The following RAD51B variants were observed in gnomAD, a reference collection of about 807,000 sequenced individuals.
RAD51B encodes DNA repair protein RAD51 homolog 2.
RAD51B carries 38 observed loss-of-function variants against 42.2 expected under a neutral mutation model. The ratio of observed to expected loss-of-function variants is 0.90; its 90% CI spans 0.70 to 1.18. The LOEUF is 1.18. Ranked by LOEUF, RAD51B falls within the 50% of genes most tolerant of loss-of-function variation. The probability of loss-of-function intolerance (pLI) is 0.00; values close to 1 mark genes in which losing one functional copy is unlikely to be tolerated. For missense variants in RAD51B, 373 were observed against 400.7 expected (o/e 0.93, Z 0.59); for synonymous variants, 154 against 145.2 (o/e 1.06, Z -0.43).
chr14:68,603,905 C>T (rs901397875), intron 10 of RAD51B, among the ~76,000 whole-genome samples: 21 of 152,232 alleles, frequency 1.4e-4, no homozygotes, highest in Non-Finnish European at 2.9e-4. Context: ...AATGACTGTT[C>T]CTTCAACTTT....
intron 9 of RAD51B, among the ~76,000 whole-genome samples, chr14:68,440,308 A>T (rs775566549): frequency 2.6e-5 from 4 of 152,248 alleles, no homozygotes; most frequent in Non-Finnish European, 4.4e-5. Context: ...TGTTGCCCAC[A>T]TTTCATGACA....
intron 7 of RAD51B, among the ~76,000 whole-genome samples, chr14:67,950,430 C>G (rs1315815107): frequency 6.6e-6 from 1 of 152,210 alleles, no homozygotes; most frequent in Non-Finnish European, 1.5e-5. Context: ...AGCTTTCTTT[C>G]CTCTCTCAGC....
chr14:68,673,535 T>C (rs929846208), intron 11 of RAD51B, among the ~76,000 whole-genome samples: 31 of 148,610 alleles, frequency 2.1e-4, no homozygotes, highest in East Asian at 5.9e-4. Context: ...CGCACACACA[T>C]ACACATACAT....
intron 10 of RAD51B, among the ~76,000 whole-genome samples, chr14:68,468,753 C>T (rs1245921230): frequency 3.9e-5 from 6 of 152,234 alleles, no homozygotes; most frequent in African/African-American, 1.4e-4. Flanking sequence ...CCTGTCCTGA[C>T]ATGGTCTTCC....
At chr14:68,657,706 G>T (rs1175744859) in intron 11 of RAD51B, among the ~76,000 whole-genome samples, 8 of 152,258 alleles carry the variant, frequency 5.3e-5, no homozygotes, top group East Asian at 1.9e-4. Context: ...GGCAGGAAAA[G>T]GTTGTTTCTC....
chr14:68,648,472 C>T (rs1892630237), intron 10 of RAD51B, among the ~76,000 whole-genome samples: 1 of 150,586 alleles, frequency 6.6e-6, no homozygotes, highest in African/African-American at 2.4e-5. Context: ...TTGCACACAC[C>T]CTACTTTGGA....
At position 67,887,042 on chromosome 14, in the gene RAD51B, A is replaced by C. The variant is rs1355436318; in HGVS notation, c.594A>C (p.Glu198Asp). The change falls in exon 7 of 11, where the codon GAA (glutamate) becomes GAC (aspartate). Residue 198 changes from glutamate to aspartate, a missense_variant. Physicochemically the swap from Glu to Asp is conservative, Grantham distance 45. Transcript: ENST00000471583. ...VLQRIESLEE[E>D]IISKGIKLVI... ...ATAGGATTGAATCTTTGGAAGAAGA[A>C]ATTATCTCAAAAGGAATTAAACTTG... 1 of 1,521,224 alleles carries C rather than the reference A, an allele frequency of 6.6e-7. No homozygotes were observed. Among genetic ancestry groups the C allele is most frequent in the African/African-American group, 1.4e-5 (1 of 71,690 alleles). The allele number at this position is 1,521,224 out of a possible 1,614,324, so 94.2% of individuals were successfully genotyped here. A position where few individuals can be genotyped will look rare whatever the true frequency, so the allele number is the denominator to read the frequency against.
intron 4 of RAD51B, 149 bp downstream of exon 4, chr14:67,835,345 C>G: frequency 1.6e-6 from 1 of 634,874 alleles, no homozygotes; most frequent in Non-Finnish European, 2.7e-6. Flanking sequence ...CCACTCAGTA[C>G]TTAGTGTGGT....
chr14:67,950,706 C>T (rs922629478), intron 7 of RAD51B, among the ~76,000 whole-genome samples: 1 of 152,200 alleles, frequency 6.6e-6, no homozygotes, highest in Non-Finnish European at 1.5e-5. Context: ...ACGTCTTCCT[C>T]ATTAATCTTA....
chr14:68,540,226 C>T lies in RAD51B; in HGVS notation c.1037-54259C>T, dbSNP rs868646510. On this transcript the variant is annotated intron_variant, in intron 10 of 10. Coordinates refer to the RAD51B transcript ENST00000487270. ...ATCTAGAGAATTCAAATGATCTGCT[C>T]GAGGCAAACATAGGATCGTCTGAGT... 1.9e-5 allele frequency: 18 copies of T among 967,904 alleles called. No homozygotes were observed. In the African/African-American group the frequency reaches 2.1e-4, roughly 11 times the overall value. The allele number at this position is 967,904 out of a possible 1,614,324, so 60.0% of individuals were successfully genotyped here.
intron 7 of RAD51B, among the ~76,000 whole-genome samples, chr14:67,904,405 G>A (rs955427346): frequency 6.6e-6 from 1 of 151,890 alleles, no homozygotes; most frequent in Non-Finnish European, 1.5e-5. Flanking sequence ...AACCTTGCTA[G>A]CATCTATTAT....
chr14:67,887,947 C>T (rs1349570239), intron 7 of RAD51B, among the ~76,000 whole-genome samples: 1 of 152,144 alleles, frequency 6.6e-6, no homozygotes, highest in South Asian at 2.1e-4. Flanking sequence ...ATTCAGGCTT[C>T]TCAATTTTAG....
chr14:68,181,002 A>G (rs569962981), intron 7 of RAD51B, among the ~76,000 whole-genome samples: 3 of 152,320 alleles, frequency 2.0e-5, no homozygotes, highest in Middle Eastern at 3.4e-3. Flanking sequence ...GGTGTTTTGT[A>G]TTTAGAAGGG....
intron 7 of RAD51B, among the ~76,000 whole-genome samples, chr14:68,224,757 C>G (rs1260607903): frequency 6.6e-6 from 1 of 152,012 alleles, no homozygotes; most frequent in Admixed American, 6.6e-5. Flanking sequence ...TACAGTGGCG[C>G]AGTCTTGGCT....
intron 7 of RAD51B, among the ~76,000 whole-genome samples, chr14:68,165,062 T>C (rs1490589785): frequency 2.0e-5 from 3 of 152,066 alleles, no homozygotes; most frequent in Non-Finnish European, 4.4e-5. Context: ...GTAAATAGAG[T>C]GTGGTTAAGT....
At chr14:68,556,516 C>A (rs994753857) in intron 10 of RAD51B, among the ~76,000 whole-genome samples, 2 of 152,064 alleles carry the variant, frequency 1.3e-5, no homozygotes, top group African/African-American at 4.8e-5. Context: ...GAGAGAGCGG[C>A]CTGAGAAGAG....
At chr14:67,985,301 A>G (rs1461608091) in intron 7 of RAD51B, among the ~76,000 whole-genome samples, 1 of 152,138 alleles carries the variant, frequency 6.6e-6, no homozygotes, top group Non-Finnish European at 1.5e-5. Flanking sequence ...CCTTTAAGCT[A>G]TGTAGTTTAG....
Position 67,933,770 on chromosome 14 carries a change from A to G in RAD51B, c.756+46566A>G, listed in dbSNP as rs568915631. On this transcript the variant is annotated intron_variant, in intron 7 of 10. Transcript: ENST00000471583. ...TTATAGGTGTGATTATTTTGGTTAT[A>G]TATTAGTAATTTTGGTTCTTTCTGG... 6.4e-4 allele frequency among the ~76,000 whole-genome samples: 98 copies of G among 152,230 alleles called. 1 individual carries two copies. The highest frequency in any genetic ancestry group is 5.6e-3 in the Admixed American group (86 of 15,296).
chr14:68,339,461 C>G, intron 8 of RAD51B: 1 of 543,534 alleles, frequency 1.8e-6, no homozygotes, highest in Non-Finnish European at 3.2e-6. Context: ...CTTCCTTGGC[C>G]TCCTGCTTCT....
Sources: gnomAD v4.1 joint callset for allele counts (sites outside exome capture counted in the v4.1 genomes callset) on GRCh38, gnomAD v4.1.1 for gene constraint, MANE v1.5 for transcripts, NCBI Gene and HGNC (gene_info 2026-07-23, HGNC 2026-07-21) for gene names.